The following COMMD10 variants were observed in gnomAD, a reference collection of about 807,000 sequenced individuals.
The protein encoded by COMMD10 is COMM domain containing 10.
In COMMD10, 33 loss-of-function variants were observed where a neutral mutation model predicts 28.9. The ratio of observed to expected loss-of-function variants is 1.14; its 90% CI spans 0.87 to 1.53. The LOEUF (loss-of-function observed/expected upper bound fraction) is 1.53. COMMD10 is among the 40% of genes most tolerant of loss of function. The pLI is 0.00. For synonymous variants in COMMD10, 110 were observed against 81.7 expected (o/e 1.35, Z -1.87); for missense variants, 310 against 233.4 (o/e 1.33, Z -2.14).
Position 116,138,083 on chromosome 5 carries a change from A to G in COMMD10, c.510+3905A>G, listed in dbSNP as rs148667188. Among the ~76,000 whole-genome samples, 148 of 152,052 alleles carry G rather than the reference A, an allele frequency of 9.7e-4. 1 individual carries two copies. The highest frequency in any genetic ancestry group is 3.4e-3 in the Middle Eastern group (1 of 294). On this transcript the variant is annotated intron_variant, in intron 5 of 6. Transcript: ENST00000274458. The stretch of plus-strand genomic sequence containing the variant: ...GAAGTCAGTAGTTGAAGGAAATGCT[A>G]AGTGTTTACATTTCAAATCTTTATA...
At chr5:116,182,885 A>G (rs1748018069) in intron 5 of COMMD10, among the ~76,000 whole-genome samples, 5 of 152,062 alleles carry the variant, frequency 3.3e-5, no homozygotes, top group Admixed American at 3.3e-4. Flanking sequence ...TGTCCTTATG[A>G]TAGTGAGTCT....
intron 5 of COMMD10, among the ~76,000 whole-genome samples, chr5:116,211,960 T>C (rs904414126): frequency 3.3e-5 from 5 of 152,166 alleles, no homozygotes; most frequent in African/African-American, 1.2e-4. Flanking sequence ...TGAGCCTTGG[T>C]TTTCTTATGT....
At chr5:116,282,587 G>A (rs1278882000) in intron 5 of COMMD10, among the ~76,000 whole-genome samples, 1 of 151,810 alleles carries the variant, frequency 6.6e-6, no homozygotes, top group Non-Finnish European at 1.5e-5. Flanking sequence ...TAACACAAAC[G>A]AGGTAGCTTA....
intron 4 of COMMD10, among the ~76,000 whole-genome samples, chr5:116,109,560 C>T (rs1054944698): frequency 1.3e-5 from 2 of 152,208 alleles, no homozygotes; most frequent in Non-Finnish European, 2.9e-5. Context: ...TGCCACTGCA[C>T]TCCAGCCTGG....
At chr5:116,105,049 A>G (rs554370523) in intron 4 of COMMD10, among the ~76,000 whole-genome samples, 22 of 152,162 alleles carry the variant, frequency 1.4e-4, no homozygotes, top group Non-Finnish European at 3.1e-4. Flanking sequence ...TTCAAAGGGA[A>G]TTCTTCCAGT....
At chr5:116,183,166 A>C (rs1284728460) in intron 5 of COMMD10, among the ~76,000 whole-genome samples, 1 of 152,148 alleles carries the variant, frequency 6.6e-6, no homozygotes, top group East Asian at 1.9e-4. Context: ...CCATTGACTC[A>C]CCAGAGAACC....
At position 116,293,202 on chromosome 5, in the gene COMMD10, G is replaced by T; in HGVS notation, c.*713G>T. 2.6e-6 allele frequency: 1 copy of T among 387,938 alleles called. No individual in the cohort carries two copies. Among genetic ancestry groups the T allele is most frequent in the Admixed American group, 4.4e-5 (1 of 22,480 alleles). 24.0% of individuals were successfully genotyped at this position (387,938 alleles called of 1,614,324 possible). On this transcript the variant is annotated 3_prime_UTR_variant, in exon 7 of 7. Coordinates refer to ENST00000274458, the MANE Select transcript of COMMD10 (RefSeq NM_016144.4). ...AAATAATTGTAATGAGTGCTAAATG[G>T]GCACCATTATTCGAATCAGATACCT...
intron 1 of COMMD10, among the ~76,000 whole-genome samples, chr5:116,086,239 C>T (rs1750092786): frequency 6.6e-6 from 1 of 152,232 alleles, no homozygotes; most frequent in Non-Finnish European, 1.5e-5. Context: ...TGTTCCCAGC[C>T]TCCTGACCCT....
Position 116,283,555 on chromosome 5 carries a change from C to T in COMMD10, c.511-7962C>T, listed in dbSNP as rs1309865407. On this transcript the variant is annotated intron_variant, in intron 5 of 6. Coordinates refer to ENST00000274458, the MANE Select transcript of COMMD10 (RefSeq NM_016144.4). The stretch of plus-strand genomic sequence containing the variant: ...AGAGACAGGGTTTCACCATGTTGTC[C>T]AGGCTGGTCTCGAACTCCTGACCTC... 3.4e-4 allele frequency among the ~76,000 whole-genome samples: 52 copies of T among 151,552 alleles called. 2 individuals are homozygous for T. The highest frequency in any genetic ancestry group is 3.3e-3 in the Admixed American group (51 of 15,238).
rs1750060473 is a variant in COMMD10 at position 116,085,404 on chromosome 5, C to T, written c.41+311C>T. 1.7e-5 allele frequency: 7 copies of T among 403,120 alleles called. No individual in the cohort carries two copies. The East Asian group carries it at 2.5e-4, about 15-fold the overall frequency. The allele number at this position is 403,120 out of a possible 1,614,324, so 25.0% of individuals were successfully genotyped here. A position where few individuals can be genotyped will look rare whatever the true frequency, so the allele number is the denominator to read the frequency against. On this transcript the variant is annotated intron_variant, in intron 1 of 6. Transcript: ENST00000274458. ...TCGCGGAGTTTGGTATCAGAAGTTC[C>T]CGGGTGCTGCCTTCAGTGCTGCCGA... is the stretch of plus-strand genomic sequence containing the variant.
chr5:116,139,739 A>T (rs1752136391), intron 5 of COMMD10, among the ~76,000 whole-genome samples: 1 of 151,754 alleles, frequency 6.6e-6, no homozygotes, highest in Non-Finnish European at 1.5e-5. Flanking sequence ...TCATTCTCTC[A>T]CATATTTAAC....
At chr5:116,228,447 C>G (rs1475473408) in intron 5 of COMMD10, among the ~76,000 whole-genome samples, 2 of 151,728 alleles carry the variant, frequency 1.3e-5, no homozygotes, top group African/African-American at 4.8e-5. Context: ...AAGAAAGTAC[C>G]ACATTTATCA....
chr5:116,268,304 A>G (rs1374654208), intron 5 of COMMD10, among the ~76,000 whole-genome samples: 1 of 151,866 alleles, frequency 6.6e-6, no homozygotes, highest in Non-Finnish European at 1.5e-5. Flanking sequence ...ATGAACAGAC[A>G]CTTCTCAAAA....
chr5:116,101,825 G>A (rs898027773), intron 4 of COMMD10, among the ~76,000 whole-genome samples: 1 of 152,144 alleles, frequency 6.6e-6, no homozygotes, highest in African/African-American at 2.4e-5. Context: ...ATTTTTAAAT[G>A]TATCTGTTGG....
chr5:116,139,360 T>C (rs1347090802), intron 5 of COMMD10, among the ~76,000 whole-genome samples: 1 of 105,880 alleles, frequency 9.4e-6, no homozygotes, highest in Non-Finnish European at 2.0e-5. Context: ...TTGTAAGGGC[T>C]ACATGACATC....
rs573309435 is a variant in COMMD10, at chr5:116,259,582, A to G, written c.511-31935A>G. Among the ~76,000 whole-genome samples the G allele has an allele frequency of 2.0e-5, 3 of 151,322 alleles. No individual in the cohort carries two copies. The East Asian group carries it at 5.8e-4, about 29-fold the overall frequency. ...TTGAATAGTTGAGAGCCTAGGCTGA[A>G]CAGTCTTGGTGGCTGGAGGGTATTT... is the stretch of plus-strand genomic sequence containing the variant. On this transcript the variant is annotated intron_variant, in intron 5 of 6. Coordinates refer to ENST00000274458, the MANE Select transcript of COMMD10 (RefSeq NM_016144.4).
chr5:116,259,490 T>G (rs1328358593), intron 5 of COMMD10, among the ~76,000 whole-genome samples: 1 of 151,740 alleles, frequency 6.6e-6, no homozygotes, highest in Non-Finnish European at 1.5e-5. Context: ...TTCAATATGT[T>G]AAGTTTGGTG....
intron 5 of COMMD10, among the ~76,000 whole-genome samples, chr5:116,261,920 T>C (rs1249615975): frequency 6.6e-6 from 1 of 151,814 alleles, no homozygotes. Context: ...TTAGCTAATT[T>C]TTCTTGAGCA....
At chr5:116,124,163 G>T (rs1751535312) in intron 4 of COMMD10, among the ~76,000 whole-genome samples, 5 of 151,832 alleles carry the variant, frequency 3.3e-5, no homozygotes. Flanking sequence ...GTGATGTTAG[G>T]GTGTCAGTTT....
Sources: gnomAD v4.1 joint callset for allele counts (sites outside exome capture counted in the v4.1 genomes callset) on GRCh38, gnomAD v4.1.1 for gene constraint, MANE v1.5 for transcripts, NCBI Gene and HGNC (gene_info 2026-07-23, HGNC 2026-07-21) for gene names.